MRTFB: variants seen among roughly 807,000 people sequenced by gnomAD.
MRTFB encodes myocardin related transcription factor B.
In MRTFB, 29 loss-of-function variants were observed where a neutral mutation model predicts 104.2. The ratio of observed to expected loss-of-function variants is 0.28; its 90% CI spans 0.21 to 0.38. MRTFB has a LOEUF of 0.38. Among genes scored for constraint, MRTFB ranks in the 10% least tolerant of loss-of-function variants. The probability of loss-of-function intolerance (pLI) is 1.00; values close to 1 mark genes in which losing one functional copy is unlikely to be tolerated. For synonymous variants in MRTFB, 535 were observed against 519.5 expected (o/e 1.03, Z -0.41); for missense variants, 1,270 against 1,341.6 (o/e 0.95, Z 0.83).
At chr16:14,226,500 G>A (rs2042008635) in intron 8 of MRTFB, among the ~76,000 whole-genome samples, 1 of 152,046 alleles carries the variant, frequency 6.6e-6, no homozygotes, top group African/African-American at 2.4e-5. Context: ...AATGAAGTTG[G>A]ACCTTTACCT....
At chr16:14,100,110 C>T (rs554395244) in intron 2 of MRTFB, among the ~76,000 whole-genome samples, 16 of 152,212 alleles carry the variant, frequency 1.1e-4, no homozygotes, top group South Asian at 8.3e-4. Context: ...CCTTATTGAA[C>T]GAGCAGAACC....
At chr16:14,223,241 C>G (rs2041822051) in intron 8 of MRTFB, among the ~76,000 whole-genome samples, 1 of 151,956 alleles carries the variant, frequency 6.6e-6, no homozygotes, top group African/African-American at 2.4e-5. Flanking sequence ...GACAAGGGAG[C>G]AGAGGTTGCA....
chr16:14,257,795 C>G (rs766265801), intron 15 of MRTFB, among the ~76,000 whole-genome samples: 11 of 151,976 alleles, frequency 7.2e-5, no homozygotes, highest in Non-Finnish European at 1.2e-4. Context: ...TACCTAAATA[C>G]AAATGAATAA....
chr16:14,004,203 G>A, the MRTFB span, among the ~76,000 whole-genome samples: 1 of 152,176 alleles, frequency 6.6e-6, no homozygotes, highest in Non-Finnish European at 1.5e-5. Context: ...TGGGAGAATG[G>A]CTAGCTGGAC....
chr16:14,103,992 G>C (rs909704117), intron 2 of MRTFB, among the ~76,000 whole-genome samples: 4 of 152,200 alleles, frequency 2.6e-5, no homozygotes, highest in Admixed American at 1.3e-4. Flanking sequence ...TATTGGCTGG[G>C]ATTGAGGAAA....
chr16:14,202,200 A>G lies in MRTFB; in HGVS notation c.155-8043A>G, dbSNP rs59617397. On this transcript the variant is annotated intron_variant, in intron 3 of 16. Transcript: ENST00000571589. ...ATATAAATACTATTATCTGACACAT[A>G]TACTTCCTTTGCATATGTTATATAT... is the stretch of plus-strand genomic sequence containing the variant. Among the ~76,000 whole-genome samples, 1,462 of 152,170 alleles carry G rather than the reference A, an allele frequency of 9.6e-3. 24 individuals are homozygous for G. Among genetic ancestry groups the G allele is most frequent in the African/African-American group, 0.034 (1,391 of 41,516 alleles).
chr16:14,147,355 G>C (rs2038369083), intron 3 of MRTFB, among the ~76,000 whole-genome samples: 1 of 152,142 alleles, frequency 6.6e-6, no homozygotes, highest in Non-Finnish European at 1.5e-5. Context: ...AAAATCTCTT[G>C]AACCCTTCAA....
intron 8 of MRTFB, among the ~76,000 whole-genome samples, chr16:14,231,027 A>G (rs1186761038): frequency 2.6e-5 from 4 of 151,658 alleles, no homozygotes; most frequent in South Asian, 4.2e-4. Context: ...GTAAACTATC[A>G]CAAGAACAAA....
At chr16:14,096,393 G>A (rs1053016719) in intron 2 of MRTFB, among the ~76,000 whole-genome samples, 1 of 152,096 alleles carries the variant, frequency 6.6e-6, no homozygotes, top group Non-Finnish European at 1.5e-5. Context: ...ATTTAGAAAA[G>A]GAATAACTAT....
chr16:14,001,495 C>T, the MRTFB span, among the ~76,000 whole-genome samples: 6 of 152,216 alleles, frequency 3.9e-5, no homozygotes, highest in Non-Finnish European at 8.8e-5. Flanking sequence ...CGAAGACAAG[C>T]GCGGATGGCC....
intron 7 of MRTFB, among the ~76,000 whole-genome samples, chr16:14,218,281 G>T (rs2041516777): frequency 6.6e-6 from 1 of 151,976 alleles, no homozygotes; most frequent in Non-Finnish European, 1.5e-5. Context: ...GGATGGTCTC[G>T]ATCTCCTGAC....
At chr16:14,249,500 A>C (rs1055013323) in intron 13 of MRTFB, among the ~76,000 whole-genome samples, 3 of 152,242 alleles carry the variant, frequency 2.0e-5, no homozygotes, top group African/African-American at 7.2e-5. Flanking sequence ...TAAGATCTTG[A>C]AATACATTTG....
chr16:14,019,862 A>C, the MRTFB span, among the ~76,000 whole-genome samples: 1 of 152,202 alleles, frequency 6.6e-6, no homozygotes, highest in Non-Finnish European at 1.5e-5. Flanking sequence ...AATGCTGCCC[A>C]ACACAGAGGG....
At chr16:14,013,674 C>T in the MRTFB span, among the ~76,000 whole-genome samples, 3 of 152,210 alleles carry the variant, frequency 2.0e-5, no homozygotes, top group Non-Finnish European at 2.9e-5. Context: ...ATTTTGTTTT[C>T]TCTTGGCCAT....
At chr16:14,202,275 A>C (rs2040742386) in intron 3 of MRTFB, among the ~76,000 whole-genome samples, 1 of 152,214 alleles carries the variant, frequency 6.6e-6, no homozygotes, top group Non-Finnish European at 1.5e-5. Flanking sequence ...ATAGAAATCT[A>C]ACAGTGGTTA....
At chr16:14,001,568 A>G in the MRTFB span, among the ~76,000 whole-genome samples, 3,933 of 152,344 alleles carry the variant, frequency 0.026, 165 homozygotes, top group African/African-American at 0.089. Flanking sequence ...CGCCCAGAGC[A>G]AAATCAGGTT....
chr16:14,016,181 T>C, the MRTFB span, among the ~76,000 whole-genome samples: 1 of 152,090 alleles, frequency 6.6e-6, no homozygotes, highest in Non-Finnish European at 1.5e-5. Context: ...TTAGATCAAA[T>C]GAAGGAACAG....
At chr16:14,091,994 C>CA (rs10523985) in intron 2 of MRTFB, among the ~76,000 whole-genome samples, 948 of 82,118 alleles carry the variant, frequency 0.012, 48 homozygotes, top group Non-Finnish European at 0.018. Flanking sequence ...GACTTCATCT[C>CA]AAAAAAAAAA....
chr16:14,122,112 G>A (rs925601821), intron 2 of MRTFB, among the ~76,000 whole-genome samples: 2 of 151,356 alleles, frequency 1.3e-5, no homozygotes, highest in East Asian at 1.9e-4. Context: ...TGCCTTCCCC[G>A]TTCTTTCTCT....
Sources: gnomAD v4.1 joint callset for allele counts (sites outside exome capture counted in the v4.1 genomes callset) on GRCh38, gnomAD v4.1.1 for gene constraint, MANE v1.5 for transcripts, NCBI Gene and HGNC (gene_info 2026-07-23, HGNC 2026-07-21) for gene names.